The following SLC16A3 variants were observed in gnomAD, a reference collection of about 807,000 sequenced individuals.
SLC16A3 encodes solute carrier family 16 member 3.
Under a neutral mutation model 25.0 loss-of-function variants are expected in SLC16A3, and 22 were observed. That is an observed-to-expected ratio of 0.88 (90% CI 0.63 to 1.26). SLC16A3 has a LOEUF of 1.26. Among genes scored for constraint, SLC16A3 ranks in the 50% most tolerant of loss-of-function variants. The probability of loss-of-function intolerance (pLI) is 0.00; values close to 1 mark genes in which losing one functional copy is unlikely to be tolerated. For missense variants in SLC16A3, 731 were observed against 666.6 expected, an observed-to-expected ratio of 1.10 and a Z score of -1.06; for synonymous variants, 390 against 309.2, an observed-to-expected ratio of 1.26 and a Z score of -2.74.
Position 82,237,755 on chromosome 17 carries a change from G to A in SLC16A3, c.985G>A (p.Gly329Ser). 6.2e-7 allele frequency: 1 copy of A among 1,611,934 alleles called. No homozygotes were observed. Among genetic ancestry groups the A allele is most frequent in the African/African-American group, 1.3e-5 (1 of 75,032 alleles). The change falls in exon 4 of 5, where the codon GGC becomes AGC. Residue 329 changes from glycine (G) to serine (S), a missense_variant. By Grantham distance (56) the Gly-to-Ser change is moderately conservative (BLOSUM62 0). Transcript: ENST00000582743. ...GGLVVFCIFF[G>S]ISYGMVGALQ... ...CCTCGTGGTCTTCTGCATCTTCTTT[G>A]GCATCTCCTACGGCATGGTGGGGGC...
intron 3 of SLC16A3, 25 bp downstream of exon 3, chr17:82,236,897 G>A (rs749654034): frequency 3.5e-5 from 56 of 1,600,118 alleles, no homozygotes; most frequent in Non-Finnish European, 4.4e-5. Context: ...CCGGTGGGCC[G>A]CACGTGCCAG....
At chr17:82,230,433 C>T (rs1013866412) in intron 1 of SLC16A3, 2 of 152,370 alleles carry the variant, frequency 1.3e-5, no homozygotes, top group African/African-American at 4.8e-5. Flanking sequence ...GCCCGCCATC[C>T]AGGCCACCCA....
intron 1 of SLC16A3, chr17:82,235,192 C>G (rs1232032614): frequency 6.6e-6 from 1 of 152,308 alleles, no homozygotes; most frequent in African/African-American, 2.4e-5. Context: ...CTCCTGATTT[C>G]AGGCTGCAGC....
At chr17:82,232,971 C>T (rs992357228) in intron 1 of SLC16A3, among the ~76,000 whole-genome samples, 7 of 151,284 alleles carry the variant, frequency 4.6e-5, no homozygotes, top group Admixed American at 1.3e-4. Flanking sequence ...CGTGTGCCCA[C>T]GGAGAGGCCA....
upstream of SLC16A3, among the ~76,000 whole-genome samples, chr17:82,227,829 G>A (rs1441572498): frequency 6.6e-6 from 1 of 152,202 alleles, no homozygotes; most frequent in Admixed American, 6.5e-5. Context: ...GTAGGGGTGA[G>A]GGCCAGACCC....
At chr17:82,229,506 C>T (rs367618086) in intron 1 of SLC16A3, 2 of 152,368 alleles carry the variant, frequency 1.3e-5, no homozygotes, top group East Asian at 1.9e-4. Flanking sequence ...TGCAGCCCTC[C>T]CTGTATGGGT....
chr17:82,237,059 G>A, intron 3 of SLC16A3, 79 bp from the exon 4 acceptor site: 2 of 1,459,776 alleles, frequency 1.4e-6, no homozygotes, highest in Non-Finnish European at 1.8e-6. Flanking sequence ...CTGAGCCTGT[G>A]GGAACCTGGG....
Position 82,237,407 on chromosome 17 carries a change from C to A in SLC16A3, c.637C>A (p.Pro213Thr). Residue 213 changes from proline (P) to threonine (T), a missense_variant, in exon 4 of 5, where the codon CCC becomes ACC. Transcript: ENST00000582743. ...CCAGCCGGGCTCGGGGCCGCCGCGA[C>A]CCTCCCGGCGCCTGCTAGACCTGAG... ...TAQPGSGPPR[P>T]SRRLLDLSVF... 6.4e-7 allele frequency: 1 copy of A among 1,563,596 alleles called. No individual in the cohort carries two copies. The highest frequency in any genetic ancestry group is 8.7e-7 in the Non-Finnish European group (1 of 1,154,308).
Position 82,236,140 on chromosome 17 carries a change from C to T in SLC16A3, c.132C>T (p.Val44=), listed in dbSNP as rs763292377. 1.9e-6 allele frequency: 3 copies of T among 1,613,188 alleles called. No individual in the cohort carries two copies. Among genetic ancestry groups the T allele is most frequent in the Admixed American group, 1.7e-5 (1 of 60,008 alleles). The change falls in exon 2 of 5, where the codon GTC becomes GTT. Residue 44 remains valine, a synonymous_variant. Transcript: ENST00000582743. The part of the protein sequence containing the change: ...FSYAFPKAVS[V]FFKELIQEFG... ...ACGCCTTCCCCAAGGCCGTCAGTGT[C>T]TTCTTCAAGGAGCTCATACAGGAGT... is the stretch of plus-strand genomic sequence containing the variant.
At chr17:82,236,303 G>A in intron 2 of SLC16A3, 72 bp downstream of exon 2, 2 of 1,412,042 alleles carry the variant, frequency 1.4e-6, no homozygotes, top group Non-Finnish European at 2.0e-6. Context: ...CGTGTAGCTG[G>A]GCTCAGCAAC....
rs961779859 is a variant in SLC16A3 at position 82,235,964 on chromosome 17, A to G, written c.-26-19A>G. The G allele has an allele frequency of 1.3e-6, 2 of 1,542,154 alleles. No homozygotes were observed. The highest frequency in any genetic ancestry group is 1.8e-6 in the Non-Finnish European group (2 of 1,132,402). ...GATGGTCACCCGGGCAGCCTGAGTC[A>G]GCCTGCTTTCTCTCTCAGGTGAGGC... On this transcript the variant is annotated intron_variant, in intron 1 of 4. Coordinates refer to ENST00000582743, the MANE Select transcript of SLC16A3 (RefSeq NM_004207.4).
chr17:82,237,558 C>G lies in SLC16A3; in HGVS notation c.788C>G (p.Ala263Gly). 6.2e-7 allele frequency: 1 copy of G among 1,611,248 alleles called. No homozygotes were observed. The highest frequency in any genetic ancestry group is 2.2e-5 in the East Asian group (1 of 44,832). Residue 263 changes from alanine (A) to glycine (G), a missense_variant, in exon 4 of 5, where the codon GCC becomes GGC. Transcript: ENST00000582743. ...AKDLGVPDTK[A>G]AFLLTILGFI... is the part of the protein sequence containing the mutation. ...GACCTGGGCGTGCCCGACACCAAGG[C>G]CGCCTTCCTGCTCACCATCCTGGGC...
chr17:82,239,575 C>G lies in SLC16A3; in HGVS notation c.*599C>G, dbSNP rs966194324. 1 of 197,676 alleles carries G rather than the reference C, an allele frequency of 5.1e-6. No homozygotes were observed. The highest frequency in any genetic ancestry group is 1.0e-5 in the Non-Finnish European group (1 of 98,416). 12.2% of individuals were successfully genotyped at this position (197,676 alleles called of 1,614,324 possible). A position where few individuals can be genotyped will look rare whatever the true frequency, so the allele number is the denominator to read the frequency against. ...CTGGCTGTTCCTACCGTGGCTCTGT[C>G]CTCGCCAGCTTTCCCTGCAGCGGCA... On this transcript the variant is annotated 3_prime_UTR_variant, in exon 5 of 5. Transcript: ENST00000582743.
At chr17:82,218,708 G>A (rs1204167837) in intron 1 of SLC16A3, among the ~76,000 whole-genome samples, 2 of 152,204 alleles carry the variant, frequency 1.3e-5, no homozygotes, top group Admixed American at 1.3e-4. Context: ...GCATAAACCA[G>A]GCTGGTGCTG....
At chr17:82,230,399 C>G (rs1298326595) in intron 1 of SLC16A3, 1 of 152,422 alleles carries the variant, frequency 6.6e-6, no homozygotes, top group Non-Finnish European at 1.5e-5. Context: ...GGCTTGGTAA[C>G]GACCCCATGT....
At chr17:82,229,865 T>G (rs1277262925) in intron 1 of SLC16A3, 4 of 152,448 alleles carry the variant, frequency 2.6e-5, no homozygotes, top group African/African-American at 9.6e-5. Context: ...GGGAAGCCCT[T>G]AGCTCTGGCC....
At chr17:82,228,246 G>A (rs965352354), upstream of SLC16A3, among the ~76,000 whole-genome samples, 27 of 152,358 alleles carry the variant, frequency 1.8e-4, no homozygotes, top group African/African-American at 6.5e-4. Flanking sequence ...AAACAGGCTG[G>A]GAGAAGCACC....
chr17:82,237,873 T>C lies in SLC16A3; in HGVS notation c.1103T>C (p.Leu368Pro). The C allele has an allele frequency of 1.2e-6, 2 of 1,600,496 alleles. No individual in the cohort carries two copies. Among genetic ancestry groups the C allele is most frequent in the Non-Finnish European group, 1.7e-6 (2 of 1,179,762 alleles). Residue 368 changes from leucine to proline, a missense_variant, in exon 4 of 5, where the codon CTC becomes CCC. Physicochemically the swap from Leu to Pro is moderately conservative, Grantham distance 98. Coordinates refer to ENST00000582743, the MANE Select transcript of SLC16A3 (RefSeq NM_004207.4). The stretch of plus-strand genomic sequence containing the variant: ...CTGCTGATGGAGGCGGTGGCCGTGC[T>C]CGTCGGGCCCCCTTCGGGAGGTGAG... The part of the protein sequence containing the change: ...LVLLMEAVAV[L>P]VGPPSGGKLL...
intron 4 of SLC16A3, among the ~76,000 whole-genome samples, chr17:82,238,287 C>T (rs2147136213): frequency 6.6e-6 from 1 of 152,320 alleles, no homozygotes; most frequent in Non-Finnish European, 1.5e-5. Context: ...CAGCCTTGCC[C>T]AGGCTCCGCC....
Sources: allele counts gnomAD v4.1 joint callset (sites outside exome capture counted in the v4.1 genomes callset), GRCh38; gene constraint gnomAD v4.1.1; transcripts MANE v1.5; gene names NCBI Gene and HGNC (gene_info 2026-07-23, HGNC 2026-07-21).